The following GPC6 variants were observed in gnomAD, a reference collection of about 807,000 sequenced individuals.
GPC6 encodes the protein glypican 6.
In GPC6, 14 loss-of-function variants were observed where a neutral mutation model predicts 55.2. The ratio of observed to expected loss-of-function variants is 0.25; its 90% CI spans 0.17 to 0.40. The LOEUF (loss-of-function observed/expected upper bound fraction) is 0.40, where lower values mean the gene tolerates loss of function less well. Among genes scored for constraint, GPC6 ranks in the 10% least tolerant of loss-of-function variants. GPC6 has a pLI of 1.00. For synonymous variants in GPC6, 278 were observed against 259.6 expected (o/e 1.07, Z -0.68); for missense variants, 641 against 708.5 (o/e 0.90, Z 1.08).
chr13:93,698,329 G>T (rs1275428461), intron 2 of GPC6, among the ~76,000 whole-genome samples: 1 of 152,044 alleles, frequency 6.6e-6, no homozygotes, highest in East Asian at 1.9e-4. Context: ...TCGTTGCAAT[G>T]AAAAGTCTGA....
At chr13:93,221,853 C>G (rs1449428923), upstream of GPC6, among the ~76,000 whole-genome samples, 1 of 152,178 alleles carries the variant, frequency 6.6e-6, no homozygotes, top group Admixed American at 6.5e-5. Context: ...GGAATAGACA[C>G]TTGAAGTCCA....
chr13:94,333,426 C>T (rs1594178674), intron 6 of GPC6, among the ~76,000 whole-genome samples: 1 of 152,168 alleles, frequency 6.6e-6, no homozygotes, highest in East Asian at 1.9e-4. Context: ...CATTTTTCCC[C>T]TCTTGTCAAA....
intron 4 of GPC6, among the ~76,000 whole-genome samples, chr13:94,223,116 A>G (rs200735180): frequency 6.6e-6 from 1 of 152,150 alleles, no homozygotes; most frequent in East Asian, 1.9e-4. Flanking sequence ...ACAAAGCTAC[A>G]TAAAGTGTTT....
intron 5 of GPC6, among the ~76,000 whole-genome samples, chr13:94,294,724 TA>T (rs1160246566): frequency 6.6e-6 from 1 of 152,210 alleles, no homozygotes; most frequent in Non-Finnish European, 1.5e-5. Flanking sequence ...TTCTTTCAGA[TA>T]TCAGGATTAG....
At chr13:93,575,799 C>T (rs187299989) in intron 2 of GPC6, among the ~76,000 whole-genome samples, 64 of 152,218 alleles carry the variant, frequency 4.2e-4, no homozygotes, top group African/African-American at 1.5e-3. Flanking sequence ...ATTTAAAAAT[C>T]AATCAGCTTA....
At chr13:93,816,158 A>G (rs774384390) in intron 2 of GPC6, among the ~76,000 whole-genome samples, 9 of 152,126 alleles carry the variant, frequency 5.9e-5, no homozygotes, top group East Asian at 1.9e-4. Flanking sequence ...TTGGTCTGAT[A>G]TCTATAATAA....
intron 2 of GPC6, among the ~76,000 whole-genome samples, chr13:93,628,270 A>C (rs1594323688): frequency 6.6e-6 from 1 of 152,188 alleles, no homozygotes; most frequent in Non-Finnish European, 1.5e-5. Flanking sequence ...GTGGCTTTCC[A>C]GGTTCAGTTC....
intron 2 of GPC6, among the ~76,000 whole-genome samples, chr13:93,738,076 A>G (rs183058528): frequency 6.6e-6 from 1 of 152,162 alleles, no homozygotes; most frequent in Non-Finnish European, 1.5e-5. Flanking sequence ...GATATCAGTG[A>G]ATTTCCTGTT....
At chr13:93,564,534 C>T (rs1420560309) in intron 2 of GPC6, among the ~76,000 whole-genome samples, 1 of 152,172 alleles carries the variant, frequency 6.6e-6, no homozygotes, top group African/African-American at 2.4e-5. Context: ...CAGTTATTTA[C>T]AAGACGCTAG....
intron 2 of GPC6, among the ~76,000 whole-genome samples, chr13:93,633,137 TG>T (rs1879532758): frequency 6.6e-6 from 1 of 152,176 alleles, no homozygotes; most frequent in Non-Finnish European, 1.5e-5. Flanking sequence ...GGGTCATACT[TG>T]TGAGAAACTG....
chr13:93,825,555 C>T (rs1274928938), intron 2 of GPC6, among the ~76,000 whole-genome samples: 1 of 152,236 alleles, frequency 6.6e-6, no homozygotes, highest in Non-Finnish European at 1.5e-5. Flanking sequence ...CCCTCCCTCA[C>T]AGTCTAATGC....
rs552190326 is a variant in GPC6 at position 93,267,632 on chromosome 13, A to G, written c.160+40016A>G. Reference sequence around the variant, plus strand: ...ATGTGTGATATTATTTTCAGTCACTATAAATTTTCTCAATGCCTAATTTCA... The same window carrying G: ...ATGTGTGATATTATTTTCAGTCACTGTAAATTTTCTCAATGCCTAATTTCA... On this transcript the variant is annotated intron_variant, in intron 1 of 8. Coordinates refer to ENST00000377047, the MANE Select transcript of GPC6 (RefSeq NM_005708.5). Among the ~76,000 whole-genome samples the G allele has an allele frequency of 2.4e-4, 37 of 152,326 alleles. 1 individual carries two copies. The South Asian group carries it at 7.5e-3, about 31-fold the overall frequency.
intron 3 of GPC6, among the ~76,000 whole-genome samples, chr13:93,962,338 C>T (rs917234408): frequency 2.6e-5 from 4 of 151,948 alleles, no homozygotes; most frequent in African/African-American, 7.3e-5. Context: ...TAAGAATGGT[C>T]GCATGAAAGG....
the GPC6 span, among the ~76,000 whole-genome samples, chr13:93,221,280 G>C: frequency 6.6e-6 from 1 of 152,104 alleles, no homozygotes; most frequent in Non-Finnish European, 1.5e-5. Flanking sequence ...TATTTTTATT[G>C]TCTAAGTTTC....
At chr13:94,033,836 C>G (rs1018257320) in intron 4 of GPC6, among the ~76,000 whole-genome samples, 5 of 152,142 alleles carry the variant, frequency 3.3e-5, no homozygotes, top group Admixed American at 6.5e-5. Context: ...AGCAAACTTT[C>G]AAGGCTTCTT....
chr13:93,825,513 G>A (rs1887199506), intron 2 of GPC6, among the ~76,000 whole-genome samples: 1 of 152,184 alleles, frequency 6.6e-6, no homozygotes, highest in Non-Finnish European at 1.5e-5. Flanking sequence ...TCTGGGAAGT[G>A]GGAAGAGATA....
At chr13:93,323,807 T>G (rs1879542376) in intron 1 of GPC6, among the ~76,000 whole-genome samples, 1 of 152,180 alleles carries the variant, frequency 6.6e-6, no homozygotes, top group African/African-American at 2.4e-5. Context: ...AGCAGGTAGT[T>G]TCCTTTGGGA....
intron 4 of GPC6, among the ~76,000 whole-genome samples, chr13:94,234,274 T>C (rs1281683287): frequency 1.3e-5 from 2 of 152,208 alleles, no homozygotes; most frequent in Non-Finnish European, 2.9e-5. Flanking sequence ...AAGGATGTAC[T>C]GTGAACTCAG....
intron 3 of GPC6, among the ~76,000 whole-genome samples, chr13:93,891,215 C>T (rs1875661490): frequency 6.6e-6 from 1 of 151,916 alleles, no homozygotes; most frequent in Non-Finnish European, 1.5e-5. Context: ...CAAAGTATAC[C>T]TAAAAAAGAC....
Sources: allele counts gnomAD v4.1 joint callset (sites outside exome capture counted in the v4.1 genomes callset), GRCh38; gene constraint gnomAD v4.1.1; transcripts MANE v1.5; gene names NCBI Gene and HGNC (gene_info 2026-07-23, HGNC 2026-07-21).